Variants in CTNND2 observed in about 807,000 individuals in gnomAD.
The protein encoded by CTNND2 is catenin delta-2.
In CTNND2, 22 loss-of-function variants were observed where a neutral mutation model predicts 144.4. That is an observed-to-expected ratio of 0.15 (90% CI 0.11 to 0.22). The LOEUF is 0.22. Among genes scored for constraint, CTNND2 ranks in the 10% least tolerant of loss-of-function variants. The pLI is 1.00. For synonymous variants in CTNND2, 751 were observed against 695.6 expected (o/e 1.08, Z -1.25); for missense variants, 1,353 against 1,618.8 (o/e 0.84, Z 2.82).
chr5:11,632,125 A>G (rs1781444394), intron 2 of CTNND2, among the ~76,000 whole-genome samples: 1 of 152,252 alleles, frequency 6.6e-6, no homozygotes, highest in Non-Finnish European at 1.5e-5. Context: ...CAGATGATTT[A>G]GAAGTTAGAA....
At chr5:11,452,551 G>A (rs1186585764) in intron 3 of CTNND2, among the ~76,000 whole-genome samples, 1 of 152,132 alleles carries the variant, frequency 6.6e-6, no homozygotes, top group Non-Finnish European at 1.5e-5. Flanking sequence ...GGATTTCAGG[G>A]ATGAATACCA....
At chr5:11,496,023 C>A (rs1189998340) in intron 3 of CTNND2, among the ~76,000 whole-genome samples, 8 of 152,146 alleles carry the variant, frequency 5.3e-5, no homozygotes. Flanking sequence ...TGTCTCAGGT[C>A]TTTTCCATAT....
chr5:11,317,537 T>C (rs896063483), intron 9 of CTNND2, among the ~76,000 whole-genome samples: 1 of 152,246 alleles, frequency 6.6e-6, no homozygotes, highest in African/African-American at 2.4e-5. Flanking sequence ...CCCACTATGG[T>C]ACTTTGTCCA....
intron 5 of CTNND2, among the ~76,000 whole-genome samples, chr5:11,407,538 G>T (rs1761191463): frequency 6.6e-6 from 1 of 152,184 alleles, no homozygotes; most frequent in Non-Finnish European, 1.5e-5. Context: ...ACCTTTGAAA[G>T]ACAAATAGCA....
intron 1 of CTNND2, among the ~76,000 whole-genome samples, chr5:11,829,934 C>A (rs903419206): frequency 2.0e-5 from 3 of 152,176 alleles, no homozygotes; most frequent in Admixed American, 2.0e-4. Context: ...ACCATAGGAA[C>A]CCATTTCTTG....
chr5:11,241,551 C>A (rs1354988131), intron 9 of CTNND2, among the ~76,000 whole-genome samples: 1 of 152,178 alleles, frequency 6.6e-6, no homozygotes, highest in Non-Finnish European at 1.5e-5. Flanking sequence ...CAGTTACCCA[C>A]TAAGAAAAGA....
chr5:11,465,384 A>G (rs1766571915), intron 3 of CTNND2, among the ~76,000 whole-genome samples: 1 of 150,058 alleles, frequency 6.7e-6, no homozygotes, highest in African/African-American at 2.5e-5. Flanking sequence ...GCTCAGAATT[A>G]TTGTGGATAG....
intron 10 of CTNND2, among the ~76,000 whole-genome samples, chr5:11,213,851 T>C (rs1480730318): frequency 2.6e-5 from 4 of 152,190 alleles, no homozygotes; most frequent in Non-Finnish European, 5.9e-5. Context: ...GTCATACATA[T>C]ATAACAATGT....
chr5:11,509,332 G>A (rs989432145), intron 3 of CTNND2, among the ~76,000 whole-genome samples: 4 of 151,838 alleles, frequency 2.6e-5, no homozygotes, highest in Admixed American at 2.6e-4. Context: ...AGAAGAAGCT[G>A]GAAATTATAC....
chr5:11,047,266 G>A (rs1391756881), intron 16 of CTNND2, among the ~76,000 whole-genome samples: 1 of 152,218 alleles, frequency 6.6e-6, no homozygotes, highest in Non-Finnish European at 1.5e-5. Flanking sequence ...GGAGGATGAT[G>A]TCACAGGAAG....
intron 7 of CTNND2, among the ~76,000 whole-genome samples, chr5:11,376,825 A>G (rs1378242939): frequency 6.6e-6 from 1 of 152,072 alleles, no homozygotes; most frequent in Admixed American, 6.6e-5. Flanking sequence ...GAATCCCTCT[A>G]TCTTCAGCCC....
chr5:11,591,555 C>CTTT (rs76364086), intron 2 of CTNND2, among the ~76,000 whole-genome samples: 5 of 150,840 alleles, frequency 3.3e-5, no homozygotes, highest in African/African-American at 1.2e-4. Context: ...CTATTTTTTT[C>CTTT]TTTTTTTTGA....
chr5:11,903,211 T>C lies in CTNND2; in HGVS notation c.37+606A>G, dbSNP rs1738051883. On this transcript the variant is annotated intron_variant, in intron 1 of 21. Transcript: ENST00000304623. This position sits in a 1 kb window ranked among gnomAD's most constrained non-coding sequence, Gnocchi z 5.4. ...GCGCTTTCTGGAGCCTGGCTGTCTA[T>C]TGTCAGCACGCAGAAGCCCCCGAAA... The C allele has an allele frequency of 5.6e-5, 55 of 985,368 alleles. No homozygotes were observed. The highest frequency in any genetic ancestry group is 6.5e-5 in the Non-Finnish European group (54 of 830,004). The allele number at this position is 985,368 out of a possible 1,614,324, so 61.0% of individuals were successfully genotyped here.
At chr5:11,859,533 G>T (rs894284479) in intron 1 of CTNND2, among the ~76,000 whole-genome samples, 1 of 152,010 alleles carries the variant, frequency 6.6e-6, no homozygotes, top group African/African-American at 2.4e-5. Context: ...CGGCTCTGGG[G>T]GACCTCTTAT....
intron 9 of CTNND2, among the ~76,000 whole-genome samples, chr5:11,282,446 G>T (rs756343295): frequency 6.6e-6 from 1 of 152,138 alleles, no homozygotes; most frequent in Admixed American, 6.5e-5. Flanking sequence ...AGATAATCAC[G>T]TGTTGTTTTG....
chr5:11,451,583 CA>C (rs1433109038), intron 3 of CTNND2, among the ~76,000 whole-genome samples: 1 of 152,094 alleles, frequency 6.6e-6, no homozygotes, highest in Non-Finnish European at 1.5e-5. Context: ...GTCAATATTC[CA>C]AAATCCAAAT....
chr5:11,735,376 G>A (rs1787623712), intron 1 of CTNND2, among the ~76,000 whole-genome samples: 1 of 149,412 alleles, frequency 6.7e-6, no homozygotes. Context: ...GCTAGGGAAG[G>A]TTTCAGAGAT....
chr5:11,294,825 C>T (rs941519514), intron 9 of CTNND2, among the ~76,000 whole-genome samples: 4 of 152,124 alleles, frequency 2.6e-5, no homozygotes, highest in African/African-American at 7.2e-5. Context: ...TACTGATGGA[C>T]GTATCTCAAA....
chr5:11,391,705 GA>G (rs1312305511), intron 6 of CTNND2, among the ~76,000 whole-genome samples: 34 of 152,316 alleles, frequency 2.2e-4, no homozygotes, highest in African/African-American at 8.2e-4. Context: ...TGATTCTCTT[GA>G]GGGGTGCTGG....
Sources: gnomAD v4.1 joint callset for allele counts (sites outside exome capture counted in the v4.1 genomes callset) on GRCh38, gnomAD v4.1.1 for gene constraint, Gnocchi (gnomAD v3.1) non-coding constraint, MANE v1.5 for transcripts, NCBI Gene and HGNC (gene_info 2026-07-23, HGNC 2026-07-21) for gene names.